MANBA: variants seen among roughly 807,000 people sequenced by gnomAD.
MANBA encodes the protein beta-mannosidase.
A neutral mutation model predicts 111.1 loss-of-function variants in MANBA; 83 were observed. That is an observed-to-expected ratio of 0.75 (90% CI 0.63 to 0.90). MANBA has a LOEUF of 0.90. Ranked by LOEUF, MANBA falls within the 40% of genes least tolerant of loss-of-function variation. The pLI, the probability that MANBA is intolerant of heterozygous loss-of-function variation, is 0.00. For missense variants in MANBA, 1,036 were observed against 1,069.0 expected (o/e 0.97, Z 0.43); for synonymous variants, 370 against 378.7 (o/e 0.98, Z 0.27).
intron 1 of MANBA, among the ~76,000 whole-genome samples, chr4:102,747,451 C>A (rs1560812930): frequency 1.3e-5 from 2 of 152,176 alleles, no homozygotes; most frequent in Non-Finnish European, 2.9e-5. Flanking sequence ...TCTGCCTTTC[C>A]CAGTCCACTG....
chr4:102,635,177 C>A (rs1376630933), intron 15 of MANBA, 132 bp from the exon 16 acceptor site: 3 of 925,858 alleles, frequency 3.2e-6, no homozygotes, highest in Admixed American at 2.1e-5. Flanking sequence ...GAGTTTTAAT[C>A]CCAGTCCTGC....
At chr4:102,736,741 T>C (rs1330337771) in intron 1 of MANBA, among the ~76,000 whole-genome samples, 3 of 152,178 alleles carry the variant, frequency 2.0e-5, no homozygotes. Flanking sequence ...CCCACTTGGA[T>C]GAACAGAACA....
At chr4:102,648,808 C>A (rs1050239407) in intron 13 of MANBA, among the ~76,000 whole-genome samples, 1 of 152,088 alleles carries the variant, frequency 6.6e-6, no homozygotes. Context: ...ATGCACACAT[C>A]CATGTGACTA....
At chr4:102,725,422 ATG>A (rs1722756569) in intron 2 of MANBA, among the ~76,000 whole-genome samples, 1 of 152,082 alleles carries the variant, frequency 6.6e-6, no homozygotes, top group Non-Finnish European at 1.5e-5. Flanking sequence ...ATCGACTCAT[ATG>A]TGTAATTTGG....
chr4:102,750,225 C>A (rs775332581), intron 1 of MANBA, among the ~76,000 whole-genome samples: 1 of 151,922 alleles, frequency 6.6e-6, no homozygotes, highest in Non-Finnish European at 1.5e-5. Context: ...AGAAGACATA[C>A]ATATCTTTAA....
At chr4:102,715,371 C>T (rs1722278550) in intron 4 of MANBA, among the ~76,000 whole-genome samples, 1 of 152,142 alleles carries the variant, frequency 6.6e-6, no homozygotes, top group Admixed American at 6.5e-5. Flanking sequence ...GCCATGAGAC[C>T]TTAAGCCAGA....
At chr4:102,760,594 G>T in intron 1 of MANBA, 124 bp downstream of exon 1, 1 of 1,066,868 alleles carries the variant, frequency 9.4e-7, no homozygotes, top group Non-Finnish European at 1.3e-6. Flanking sequence ...AGATGCAAAG[G>T]GGAAGTTACT....
intron 14 of MANBA, among the ~76,000 whole-genome samples, chr4:102,639,306 A>G (rs550894709): frequency 4.6e-5 from 7 of 152,330 alleles, no homozygotes; most frequent in Admixed American, 4.6e-4. Flanking sequence ...ACTTTAACAC[A>G]TAAGCGGGCC....
At chr4:102,718,972 G>T (rs1722458515) in intron 4 of MANBA, among the ~76,000 whole-genome samples, 1 of 152,320 alleles carries the variant, frequency 6.6e-6, no homozygotes, top group Non-Finnish European at 1.5e-5. Flanking sequence ...GGCAAAATTA[G>T]AATTACTGAT....
At chr4:102,709,473 T>G (rs973396387) in intron 5 of MANBA, among the ~76,000 whole-genome samples, 35 of 151,854 alleles carry the variant, frequency 2.3e-4, no homozygotes, top group African/African-American at 7.5e-4. Context: ...CCTGAACGAC[T>G]AATAATAAGT....
intron 4 of MANBA, among the ~76,000 whole-genome samples, chr4:102,720,604 CA>C (rs528189031): frequency 1.3e-3 from 176 of 130,492 alleles, no homozygotes; most frequent in Admixed American, 1.4e-3. Flanking sequence ...GACTTCATCT[CA>C]AAAAAAAAAA....
chr4:102,747,093 C>T (rs1359020924), intron 1 of MANBA, among the ~76,000 whole-genome samples: 1 of 151,862 alleles, frequency 6.6e-6, no homozygotes, highest in Non-Finnish European at 1.5e-5. Flanking sequence ...TTCTGTTCCT[C>T]TAGAACCACT....
chr4:102,732,054 T>A (rs1723051694), intron 1 of MANBA, among the ~76,000 whole-genome samples: 1 of 152,118 alleles, frequency 6.6e-6, no homozygotes. Flanking sequence ...ATTACAGGCA[T>A]GCACCACCAC....
chr4:102,736,715 G>A (rs1407320166), intron 1 of MANBA, among the ~76,000 whole-genome samples: 1 of 152,178 alleles, frequency 6.6e-6, no homozygotes, highest in Non-Finnish European at 1.5e-5. Flanking sequence ...ATAGGAGACA[G>A]GACTAACATG....
At chr4:102,687,662 C>T (rs948206364) in intron 7 of MANBA, among the ~76,000 whole-genome samples, 1 of 152,144 alleles carries the variant, frequency 6.6e-6, no homozygotes, top group Admixed American at 6.6e-5. Flanking sequence ...TCCCAGAATG[C>T]CCCTGCTCTG....
At chr4:102,671,242 A>G in intron 9 of MANBA, 39 bp downstream of exon 9, 1 of 1,242,606 alleles carries the variant, frequency 8.0e-7, no homozygotes, top group South Asian at 1.2e-5. Flanking sequence ...CTGAGGATAT[A>G]GTAACTTATC....
intron 1 of MANBA, among the ~76,000 whole-genome samples, chr4:102,744,886 A>G: frequency 6.6e-6 from 1 of 152,174 alleles, no homozygotes; most frequent in East Asian, 1.9e-4. Flanking sequence ...AATGGTTTCC[A>G]TTTGGCCTTT....
chr4:102,635,969 G>T lies in MANBA; in HGVS notation c.2053C>A (p.Gln685Lys). The stretch of plus-strand genomic sequence containing the variant: ...GGCAACAGTGGAGCAAAGAAATTCT[G>T]AGCAAAGTAATGAAGCATTTTCCAC... ...GKWKMLHYFA[Q>K]NFFAPLLPVG... is the part of the protein sequence containing the mutation. Residue 685 changes from glutamine to lysine, a missense_variant, in exon 15 of 17, where the codon CAG becomes AAG. Coordinates refer to ENST00000647097, the MANE Select transcript of MANBA (RefSeq NM_005908.4). 2 of 1,613,660 alleles carry T rather than the reference G, an allele frequency of 1.2e-6. No homozygotes were observed. The highest frequency in any genetic ancestry group is 2.2e-5 in the South Asian group (2 of 91,052).
At chr4:102,702,093 G>A (rs556218154) in intron 5 of MANBA, among the ~76,000 whole-genome samples, 6,452 of 151,346 alleles carry the variant, frequency 0.043, 446 homozygotes, top group African/African-American at 0.15. Flanking sequence ...TTCCCTTCTC[G>A]CTTCATTTCA....
Sources: gnomAD v4.1 joint callset for allele counts (sites outside exome capture counted in the v4.1 genomes callset) on GRCh38, gnomAD v4.1.1 for gene constraint, MANE v1.5 for transcripts, NCBI Gene and HGNC (gene_info 2026-07-23, HGNC 2026-07-21) for gene names.